ABLIM1: variants seen among roughly 807,000 people sequenced by gnomAD.
ABLIM1 encodes actin-binding LIM protein 1.
In ABLIM1, 40 loss-of-function variants were observed where a neutral mutation model predicts 107.0. The ratio of observed to expected loss-of-function variants is 0.37; its 90% CI spans 0.29 to 0.49. The LOEUF (loss-of-function observed/expected upper bound fraction) is 0.49, where lower values mean the gene tolerates loss of function less well. Among genes scored for constraint, ABLIM1 ranks in the 20% least tolerant of loss-of-function variants. The pLI is 0.97. For synonymous variants in ABLIM1, 357 were observed against 357.3 expected, an observed-to-expected ratio of 1.00 and a Z score of 0.01; for missense variants, 857 against 1,008.5, an observed-to-expected ratio of 0.85 and a Z score of 2.04.
At chr10:114,519,178 A>G (rs2063355325) in intron 6 of ABLIM1, among the ~76,000 whole-genome samples, 1 of 152,288 alleles carries the variant, frequency 6.6e-6, no homozygotes, top group African/African-American at 2.4e-5. Context: ...TCTGAGGTCT[A>G]CTTTTGCCTT....
intron 1 of ABLIM1, among the ~76,000 whole-genome samples, chr10:114,704,638 T>A (rs529538217): frequency 1.2e-4 from 2 of 16,756 alleles, no homozygotes; most frequent in African/African-American, 2.6e-4. Flanking sequence ...CTAAGGGGGG[T>A]GGGGGTGGGG....
the ABLIM1 span, among the ~76,000 whole-genome samples, chr10:114,793,469 T>G: frequency 6.6e-6 from 1 of 152,146 alleles, no homozygotes; most frequent in Non-Finnish European, 1.5e-5. Context: ...TGCAGAACCA[T>G]GAGCCAATTA....
intron 1 of ABLIM1, among the ~76,000 whole-genome samples, chr10:114,648,718 C>T (rs917013258): frequency 6.6e-6 from 1 of 152,122 alleles, no homozygotes; most frequent in African/African-American, 2.4e-5. Context: ...TATGAAGTAC[C>T]TTTACTTACC....
At chr10:114,485,402 G>T in intron 8 of ABLIM1, 1 of 1,594,066 alleles carries the variant, frequency 6.3e-7, no homozygotes. Context: ...CATGAGAAAA[G>T]GGAAGAACGA....
chr10:114,653,363 G>A (rs1382454412), intron 1 of ABLIM1, among the ~76,000 whole-genome samples: 4 of 144,642 alleles, frequency 2.8e-5, no homozygotes, highest in Non-Finnish European at 6.2e-5. Context: ...GCAACAAAGT[G>A]AGACCCTGTC....
At chr10:114,559,365 C>G (rs2483550) in intron 4 of ABLIM1, among the ~76,000 whole-genome samples, 55,746 of 140,700 alleles carry the variant, frequency 0.4, 13,721 homozygotes, top group African/African-American at 0.71. Context: ...CTACTCAGGA[C>G]GCTGAGGTGG....
the ABLIM1 span, among the ~76,000 whole-genome samples, chr10:114,773,595 G>A: frequency 6.6e-6 from 1 of 152,142 alleles, no homozygotes; most frequent in Non-Finnish European, 1.5e-5. Flanking sequence ...GGTGGTGCAT[G>A]CCTGTAATCC....
At chr10:114,704,335 T>TATATATATA (rs3061769) in intron 1 of ABLIM1, among the ~76,000 whole-genome samples, 24 of 83,340 alleles carry the variant, frequency 2.9e-4, no homozygotes, top group Non-Finnish European at 4.3e-4. Flanking sequence ...TATATATATA[T>TATATATATA]TGCGCGCGTT....
chr10:114,551,530 CTA>C (rs1048682629), intron 4 of ABLIM1, among the ~76,000 whole-genome samples: 1 of 152,120 alleles, frequency 6.6e-6, no homozygotes, highest in African/African-American at 2.4e-5. Flanking sequence ...GAGTTACACT[CTA>C]TATAAATGAA....
intron 1 of ABLIM1, among the ~76,000 whole-genome samples, chr10:114,674,710 T>G (rs1443195791): frequency 9.1e-6 from 1 of 109,710 alleles, no homozygotes; most frequent in East Asian, 2.4e-4. Flanking sequence ...TTGTTATTCT[T>G]TTTTTTTTTT....
intron 1 of ABLIM1, among the ~76,000 whole-genome samples, chr10:114,628,316 C>T (rs913002034): frequency 1.2e-4 from 19 of 152,350 alleles, no homozygotes; most frequent in South Asian, 2.1e-4. Context: ...ATTTGATTGT[C>T]ATGAGTAAGA....
rs1555173409 is a variant in ABLIM1, at chr10:114,557,671, G to GTTTTGTTT, written c.674-9896_674-9895insAAACAAAA. On this transcript the variant is annotated intron_variant, in intron 4 of 22. Transcript: ENST00000533213. ...TGACCCAATAGCTCCATAGTGAGGT[G>GTTTTGTTT]TTTTTTTTTTTTTTTTTTTTTTGGA... Among the ~76,000 whole-genome samples, 57 of 72,420 alleles carry GTTTTGTTT rather than the reference G, an allele frequency of 7.9e-4. 3 individuals are homozygous for GTTTTGTTT. Among genetic ancestry groups the GTTTTGTTT allele is most frequent in the African/African-American group, 1.2e-3 (18 of 14,806 alleles). 47.5% of individuals were successfully genotyped at this position (72,420 alleles called of 152,430 possible).
At chr10:114,737,119 T>C (rs1027578475) in intron 1 of ABLIM1, among the ~76,000 whole-genome samples, 4 of 144,136 alleles carry the variant, frequency 2.8e-5, no homozygotes, top group African/African-American at 1.0e-4. Context: ...AGGCCAGGAG[T>C]TCAAGACCAG....
At chr10:114,660,452 AAAAAG>A (rs61626874), upstream of ABLIM1, among the ~76,000 whole-genome samples, 12 of 148,204 alleles carry the variant, frequency 8.1e-5, no homozygotes, top group South Asian at 2.2e-3. Flanking sequence ...TGAAATTTAA[AAAAAG>A]AAAAGAAAAG....
chr10:114,526,721 T>C (rs1424649307), intron 6 of ABLIM1: 1 of 985,514 alleles, frequency 1.0e-6, no homozygotes, highest in African/African-American at 1.7e-5. Flanking sequence ...AGAGAACTCC[T>C]CCAGGCTTCA....
intron 1 of ABLIM1, among the ~76,000 whole-genome samples, chr10:114,624,513 A>G (rs1261328491): frequency 1.3e-5 from 2 of 152,208 alleles, no homozygotes; most frequent in Non-Finnish European, 2.9e-5. Flanking sequence ...GGGAAAGGCA[A>G]GAAGCAATAC....
the ABLIM1 span, among the ~76,000 whole-genome samples, chr10:114,774,187 G>A: frequency 6.6e-6 from 1 of 152,130 alleles, no homozygotes; most frequent in African/African-American, 2.4e-5. Flanking sequence ...AATTAGACTT[G>A]TCTTCCCAAA....
At chr10:114,462,076 C>T (rs2064052460) in intron 12 of ABLIM1, among the ~76,000 whole-genome samples, 1 of 152,132 alleles carries the variant, frequency 6.6e-6, no homozygotes, top group Non-Finnish European at 1.5e-5. Flanking sequence ...GATTCAGCCG[C>T]TCAACAACCA....
At chr10:114,706,178 G>C (rs2081416974) in intron 1 of ABLIM1, among the ~76,000 whole-genome samples, 1 of 152,226 alleles carries the variant, frequency 6.6e-6, no homozygotes, top group Non-Finnish European at 1.5e-5. Flanking sequence ...TAGAGAAGGA[G>C]AAGGGAAAAC....
Sources: allele counts gnomAD v4.1 joint callset (sites outside exome capture counted in the v4.1 genomes callset), GRCh38; gene constraint gnomAD v4.1.1; transcripts MANE v1.5; gene names NCBI Gene and HGNC (gene_info 2026-07-23, HGNC 2026-07-21).